FLNC: variants seen among roughly 807,000 people sequenced by gnomAD.
FLNC encodes the protein filamin-C.
Under a neutral mutation model 254.3 loss-of-function variants are expected in FLNC, and 91 were observed. The observed-to-expected ratio is 0.36, with a 90% CI of 0.30 to 0.43. FLNC has a LOEUF of 0.43. FLNC is among the 20% of genes least tolerant of loss of function. FLNC has a pLI of 1.00. For synonymous variants in FLNC, 1,430 were observed against 1,577.2 expected (o/e 0.91, Z 2.21); for missense variants, 2,853 against 3,802.6 (o/e 0.75, Z 6.57).
chr7:128,854,463 A>C lies in FLNC; in HGVS notation c.6778A>C (p.Lys2260Gln). Residue 2260 changes from lysine to glutamine, a missense_variant, in exon 41 of 48, where the codon AAG becomes CAG. Lys to Gln is a moderately conservative substitution (Grantham distance 53, BLOSUM62 1). Coordinates refer to ENST00000325888, the MANE Select transcript of FLNC (RefSeq NM_001458.5). ...TGCACAGGTGACCAGCCCATCGGGC[A>C]AGGTGGAAGCCGCAGAGATCGTCGA... ...MTAQVTSPSG[K>Q]VEAAEIVEGE... is the part of the protein sequence containing the mutation. 2 of 1,609,462 alleles carry C rather than the reference A, an allele frequency of 1.2e-6. No individual in the cohort carries two copies.
Position 128,854,885 on chromosome 7 carries a change from G to A in FLNC, c.7108G>A (p.Gly2370Ser), listed in dbSNP as rs201917318. ...AFEDRKDGSC[G>S]VSYVVQEPGD... The stretch of plus-strand genomic sequence containing the variant: ...TGAGGATCGCAAAGATGGCTCCTGC[G>A]GCGTCTCCTATGTCGTCCAGGAACC... The change falls in exon 42 of 48, where the codon GGC becomes AGC. Residue 2370 changes from glycine to serine, a missense_variant. Coordinates refer to ENST00000325888, the MANE Select transcript of FLNC (RefSeq NM_001458.5). 67 of 1,613,964 alleles carry A rather than the reference G, an allele frequency of 4.2e-5. No individual in the cohort carries two copies. In the African/African-American group the frequency reaches 5.6e-4, roughly 14 times the overall value.
intron 33 of FLNC, 117 bp downstream of exon 33, chr7:128,851,060 G>A (rs1808787808): frequency 6.6e-7 from 1 of 1,525,130 alleles, no homozygotes; most frequent in Non-Finnish European, 9.1e-7. Flanking sequence ...GCAGACACCA[G>A]GCGAGGCCCC....
rs369347947 is a variant in FLNC at position 128,853,966 on chromosome 7, C to T, written c.6485-8C>T. The T allele has an allele frequency of 5.0e-6, 8 of 1,613,238 alleles. No individual in the cohort carries two copies. The African/African-American group carries it at 5.3e-5, about 11-fold the overall frequency. The stretch of plus-strand genomic sequence containing the variant: ...CCCTCCCTCACCCTGGCTCCCTTGA[C>T]CACACAGGAAACTGGTTCCAGATGG... On this transcript the variant is annotated splice_polypyrimidine_tract_variant and splice_region_variant and intron_variant, in intron 39 of 47. Transcript: ENST00000325888.
chr7:128,854,492 C>A lies in FLNC; in HGVS notation c.6807C>A (p.Gly2269=). Reference sequence around the variant, plus strand: ...TGGAAGCCGCAGAGATCGTCGAGGGCGAGGACAGCGCCTACAGCGTGCGCT... The same window carrying A: ...TGGAAGCCGCAGAGATCGTCGAGGGAGAGGACAGCGCCTACAGCGTGCGCT... ...GKVEAAEIVE[G]EDSAYSVRFV... The change falls in exon 41 of 48, where the codon GGC becomes GGA. Residue 2269 remains glycine (G), a synonymous_variant. Coordinates refer to ENST00000325888, the MANE Select transcript of FLNC (RefSeq NM_001458.5). 1 of 1,605,742 alleles carries A rather than the reference C, an allele frequency of 6.2e-7. No individual in the cohort carries two copies. Among genetic ancestry groups the A allele is most frequent in the Non-Finnish European group, 8.5e-7 (1 of 1,176,618 alleles).
At chr7:128,851,168 G>A in intron 33 of FLNC, 64 bp from the exon 34 acceptor site, 1 of 1,611,440 alleles carries the variant, frequency 6.2e-7, no homozygotes, top group Non-Finnish European at 8.5e-7. Flanking sequence ...GAAGGTGCTG[G>A]GGCCAAGGTG....
rs542722827 is a variant in FLNC, at chr7:128,841,730, A to G, written c.2121+163A>G. 2.0e-5 allele frequency among the ~76,000 whole-genome samples: 3 copies of G among 152,294 alleles called. No homozygotes were observed. In the East Asian group the frequency reaches 5.8e-4, roughly 29 times the overall value. On this transcript the variant is annotated intron_variant, in intron 13 of 47. Coordinates refer to ENST00000325888, the MANE Select transcript of FLNC (RefSeq NM_001458.5). The surrounding 1 kb of genome is among the most constrained non-coding windows in gnomAD (Gnocchi z 4.3). ...CCCATCAGTACCATGGAAAATTTTA[A>G]ATTTTGTGTTTTCTTAACGATGATA...
chr7:128,843,349 C>A (rs374824640), intron 17 of FLNC, 30 bp downstream of exon 17: 1 of 1,612,500 alleles, frequency 6.2e-7, no homozygotes, highest in Admixed American at 1.7e-5. Context: ...CTGGGACTGG[C>A]TCGAGGTTGG....
intron 22 of FLNC, 36 bp downstream of exon 22, chr7:128,846,199 G>A: frequency 1.3e-6 from 2 of 1,588,830 alleles, no homozygotes; most frequent in Non-Finnish European, 8.5e-7. Flanking sequence ...GGGCAGGGCT[G>A]GGCAAGTGGG....
intron 5 of FLNC, 68 bp downstream of exon 5, chr7:128,837,823 A>C: frequency 6.9e-7 from 1 of 1,445,026 alleles, no homozygotes; most frequent in Non-Finnish European, 9.5e-7. Context: ...GGGGCCAACA[A>C]CAGGAATGGC....
intron 1 of FLNC, among the ~76,000 whole-genome samples, chr7:128,834,322 C>A (rs557590241): frequency 1.3e-5 from 2 of 149,138 alleles, no homozygotes; most frequent in Non-Finnish European, 2.9e-5. Flanking sequence ...CCCCCCCCCC[C>A]CAAATCTTGA....
At chr7:128,837,917 A>G in intron 5 of FLNC, 70 bp from the exon 6 acceptor site, 1 of 1,458,980 alleles carries the variant, frequency 6.9e-7, no homozygotes, top group Non-Finnish European at 9.6e-7. Flanking sequence ...GCTGGGGTGC[A>G]TAAGGCACTG....
At chr7:128,850,614 G>A in intron 32 of FLNC, 131 bp downstream of exon 32, 1 of 1,190,196 alleles carries the variant, frequency 8.4e-7, no homozygotes, top group Non-Finnish European at 1.2e-6. Context: ...CACACAGCAA[G>A]TTGGGCAGAG....
chr7:128,856,555 C>T lies in FLNC; in HGVS notation c.7289C>T (p.Ala2430Val), dbSNP rs200516164. 1.2e-4 allele frequency: 200 copies of T among 1,612,814 alleles called. No individual in the cohort carries two copies. Among genetic ancestry groups the T allele is most frequent in the Non-Finnish European group, 1.6e-4 (192 of 1,180,024 alleles). Residue 2430 changes from alanine (A) to valine (V), a missense_variant, in exon 44 of 48, where the codon GCC becomes GTC. By Grantham distance (64) the Ala-to-Val change is moderately conservative (BLOSUM62 0). Transcript: ENST00000325888. This position sits in a 1 kb window ranked among gnomAD's most constrained non-coding sequence, Gnocchi z 5.9. ...AAGGTGAACCAGCCAGCGTCCTTTG[C>T]CGTGCAGCTGAACGGTGCCCGGGGC... ...GLKVNQPASFAVQLNGARGVI... is the reference protein window; with the variant it reads ...GLKVNQPASFVVQLNGARGVI...
At chr7:128,832,467 G>A (rs1417780804) in intron 1 of FLNC, among the ~76,000 whole-genome samples, 1 of 152,220 alleles carries the variant, frequency 6.6e-6, no homozygotes, top group East Asian at 1.9e-4. Flanking sequence ...GGGTCTGGGG[G>A]AAGAGCCGGA....
chr7:128,849,114 T>C (rs1808696020), intron 28 of FLNC, 67 bp from the exon 29 acceptor site: 75 of 837,916 alleles, frequency 9.0e-5, no homozygotes, highest in Non-Finnish European at 1.3e-4. Flanking sequence ...CCTCCCTCCC[T>C]CACCCCCGCC....
chr7:128,848,176 T>C (rs1230773607), intron 26 of FLNC, 108 bp downstream of exon 26: 2 of 1,358,326 alleles, frequency 1.5e-6, no homozygotes, highest in African/African-American at 1.4e-5. Context: ...CTCTCCCAGC[T>C]CTCAGCCTCG....
rs541607211 is a variant in FLNC, at chr7:128,852,912, A to G, written c.6089A>G (p.Lys2030Arg). 1.9e-6 allele frequency: 3 copies of G among 1,613,682 alleles called. No individual in the cohort carries two copies. The highest frequency in any genetic ancestry group is 2.2e-5 in the South Asian group (2 of 91,090). The change falls in exon 37 of 48, where the codon AAG becomes AGG. Residue 2030 changes from lysine (K) to arginine (R), a missense_variant. Around this residue, in one of 10 missense-constraint regions of FLNC, gnomAD observed 551 missense variants for 835.0 expected, o/e 0.66. Coordinates refer to ENST00000325888, the MANE Select transcript of FLNC (RefSeq NM_001458.5). ...AAGCATGTCACCAACAGCCCCTTCAAGATCCTGGTGGGGCCATCTGAGATC... is the reference window on the plus strand; with the variant it reads ...AAGCATGTCACCAACAGCCCCTTCAGGATCCTGGTGGGGCCATCTGAGATC... ...SGKHVTNSPFKILVGPSEIGD... is the reference protein window; with the variant it reads ...SGKHVTNSPFRILVGPSEIGD...
rs779888815 is a variant in FLNC at position 128,852,582 on chromosome 7, C to T, written c.5843-9C>T. The T allele has an allele frequency of 1.9e-6, 3 of 1,613,246 alleles. No individual in the cohort carries two copies. The highest frequency in any genetic ancestry group is 1.7e-6 in the Non-Finnish European group (2 of 1,180,006). On this transcript the variant is annotated splice_polypyrimidine_tract_variant and intron_variant, in intron 35 of 47. Coordinates refer to ENST00000325888, the MANE Select transcript of FLNC (RefSeq NM_001458.5). ...TCATAGCAGCCTGATGCCCCAACTC[C>T]CCCACCAGGTGATGACTCCATGAGG...
intron 18 of FLNC, 87 bp downstream of exon 18, chr7:128,843,664 G>T (rs1776002068): frequency 6.5e-7 from 1 of 1,541,930 alleles, no homozygotes; most frequent in Non-Finnish European, 9.0e-7. Flanking sequence ...ACCAGTTCTG[G>T]ATCCTCCACG....
Sources: gnomAD v4.1 joint callset for allele counts (sites outside exome capture counted in the v4.1 genomes callset) on GRCh38, gnomAD v4.1.1 for gene constraint, gnomAD v4.1.1 regional missense constraint, Gnocchi (gnomAD v3.1) non-coding constraint, MANE v1.5 for transcripts, NCBI Gene and HGNC (gene_info 2026-07-23, HGNC 2026-07-21) for gene names.